Variants in CDH12 observed in about 807,000 individuals in gnomAD.
CDH12 encodes the protein cadherin-12.
Under a neutral mutation model 74.1 loss-of-function variants are expected in CDH12, and 41 were observed. The observed-to-expected ratio is 0.55, with a 90% CI of 0.43 to 0.72. The LOEUF is 0.72. Among genes scored for constraint, CDH12 ranks in the 30% least tolerant of loss-of-function variants. The pLI, the probability that CDH12 is intolerant of heterozygous loss-of-function variation, is 0.00. For synonymous variants in CDH12, 399 were observed against 355.0 expected (o/e 1.12, Z -1.39); for missense variants, 945 against 977.2 (o/e 0.97, Z 0.44).
intron 2 of CDH12, among the ~76,000 whole-genome samples, chr5:22,432,558 T>C (rs1253690441): frequency 6.8e-6 from 1 of 147,044 alleles, no homozygotes; most frequent in Non-Finnish European, 1.5e-5. Context: ...TCTGTGTGTG[T>C]GTGCGTGTGT....
chr5:22,237,102 TA>T (rs1752585997), intron 3 of CDH12, among the ~76,000 whole-genome samples: 1 of 152,162 alleles, frequency 6.6e-6, no homozygotes, highest in South Asian at 2.1e-4. Context: ...GCAACACTTT[TA>T]TAGGACTGGC....
chr5:22,068,333 G>A (rs948699721), intron 5 of CDH12, among the ~76,000 whole-genome samples: 4 of 152,164 alleles, frequency 2.6e-5, no homozygotes, highest in African/African-American at 7.2e-5. Context: ...GAGAGAGAAA[G>A]AGAAGCCTTG....
intron 10 of CDH12, among the ~76,000 whole-genome samples, chr5:21,800,205 G>A (rs1304611008): frequency 3.3e-5 from 5 of 152,092 alleles, no homozygotes; most frequent in Non-Finnish European, 7.4e-5. Flanking sequence ...TGTACCTTTT[G>A]TCTCACATTT....
At chr5:22,015,072 G>A (rs1175258081) in intron 5 of CDH12, among the ~76,000 whole-genome samples, 1 of 152,088 alleles carries the variant, frequency 6.6e-6, no homozygotes, top group Non-Finnish European at 1.5e-5. Context: ...AAGATTTAAA[G>A]CAGGAGATGA....
At chr5:22,613,387 T>G (rs1050762113) in intron 1 of CDH12, among the ~76,000 whole-genome samples, 1 of 152,114 alleles carries the variant, frequency 6.6e-6, no homozygotes, top group Non-Finnish European at 1.5e-5. Context: ...TACGTAAATA[T>G]TATTTTTAGA....
intron 1 of CDH12, among the ~76,000 whole-genome samples, chr5:22,686,615 T>A (rs893912088): frequency 6.6e-6 from 1 of 152,210 alleles, no homozygotes; most frequent in Non-Finnish European, 1.5e-5. Context: ...CTCAGCAACA[T>A]TTCTTGAAGA....
At position 22,220,487 on chromosome 5, in the gene CDH12, A is replaced by G. The variant is rs981655226; in HGVS notation, c.-332-7844T>C. Reference sequence around the variant, plus strand: ...AAGCCTGTTTATATATACATTTTTAAAGGAAGATTATTCATCATGAGAAAC... The same window carrying G: ...AAGCCTGTTTATATATACATTTTTAGAGGAAGATTATTCATCATGAGAAAC... On this transcript the variant is annotated intron_variant, in intron 3 of 14. Coordinates refer to ENST00000382254, the MANE Select transcript of CDH12 (RefSeq NM_004061.5). Among the ~76,000 whole-genome samples the G allele has an allele frequency of 4.6e-5, 7 of 151,722 alleles. No homozygotes were observed. In the Admixed American group the frequency reaches 4.6e-4, roughly 10 times the overall value.
At chr5:21,980,893 A>G (rs1176257276) in intron 5 of CDH12, among the ~76,000 whole-genome samples, 1 of 152,162 alleles carries the variant, frequency 6.6e-6, no homozygotes, top group Non-Finnish European at 1.5e-5. Context: ...AATTTATTAC[A>G]TCAGTTTAAA....
chr5:22,496,299 C>T (rs1747104320), intron 2 of CDH12, among the ~76,000 whole-genome samples: 1 of 152,016 alleles, frequency 6.6e-6, no homozygotes, highest in African/African-American at 2.4e-5. Flanking sequence ...GGTGAATTAC[C>T]CATTTAATCC....
intron 6 of CDH12, among the ~76,000 whole-genome samples, chr5:21,947,545 C>G (rs941831502): frequency 6.6e-6 from 1 of 152,184 alleles, no homozygotes; most frequent in African/African-American, 2.4e-5. Context: ...ATCTGTGGAA[C>G]TTTTAATTTG....
At chr5:22,605,387 C>T (rs1190196961) in intron 1 of CDH12, among the ~76,000 whole-genome samples, 2 of 152,146 alleles carry the variant, frequency 1.3e-5, no homozygotes, top group Non-Finnish European at 2.9e-5. Context: ...TTCCATCAGT[C>T]CCTCATGAGA....
At chr5:22,498,190 T>G (rs1580708888) in intron 2 of CDH12, among the ~76,000 whole-genome samples, 1 of 152,162 alleles carries the variant, frequency 6.6e-6, no homozygotes, top group Admixed American at 6.5e-5. Flanking sequence ...CCATTTCCCC[T>G]TCTCTGTACA....
In CDH12 at chr5:22,656,579, A is replaced by T. The variant is rs187489029; in HGVS notation, c.-522-151215T>A. Among the ~76,000 whole-genome samples the T allele has an allele frequency of 9.2e-3, 1,404 of 152,292 alleles. 10 individuals are homozygous for T. The highest frequency in any genetic ancestry group is 0.017 in the Middle Eastern group (5 of 292). On this transcript the variant is annotated intron_variant, in intron 1 of 14. Coordinates refer to ENST00000382254, the MANE Select transcript of CDH12 (RefSeq NM_004061.5). ...TGTAACTTGAACAAATTGATAGTGG[A>T]TATGTAAATTGATTTAAAAAAATTT...
At chr5:22,122,305 AAGG>A (rs1280123486) in intron 4 of CDH12, among the ~76,000 whole-genome samples, 1 of 152,120 alleles carries the variant, frequency 6.6e-6, no homozygotes, top group East Asian at 1.9e-4. Context: ...TGGGAGGCTG[AAGG>A]AGGAGAATTG....
At chr5:22,702,067 T>C (rs1448679008) in intron 1 of CDH12, among the ~76,000 whole-genome samples, 1 of 152,206 alleles carries the variant, frequency 6.6e-6, no homozygotes, top group African/African-American at 2.4e-5. Context: ...TTATTCAGTG[T>C]TACATCATCA....
intron 1 of CDH12, among the ~76,000 whole-genome samples, chr5:22,811,582 T>G (rs1749151090): frequency 6.6e-6 from 1 of 152,182 alleles, no homozygotes; most frequent in Non-Finnish European, 1.5e-5. Flanking sequence ...ATGAAGGATG[T>G]CAGGGATGAC....
chr5:22,257,899 G>A (rs1260345742), intron 3 of CDH12, among the ~76,000 whole-genome samples: 1 of 151,924 alleles, frequency 6.6e-6, no homozygotes, highest in Admixed American at 6.6e-5. Context: ...GGAAGACTAG[G>A]CATAAATGGG....
intron 2 of CDH12, among the ~76,000 whole-genome samples, chr5:22,415,021 T>C (rs1451183734): frequency 6.6e-6 from 1 of 152,086 alleles, no homozygotes; most frequent in African/African-American, 2.4e-5. Flanking sequence ...AGCTCACATA[T>C]AGGGTGGATA....
chr5:22,626,052 G>A (rs911503309), intron 1 of CDH12, among the ~76,000 whole-genome samples: 3 of 151,986 alleles, frequency 2.0e-5, no homozygotes, highest in Non-Finnish European at 4.4e-5. Flanking sequence ...CCACCAGCAT[G>A]CTAACCCCAT....
Sources: gnomAD v4.1 joint callset for allele counts (sites outside exome capture counted in the v4.1 genomes callset) on GRCh38, gnomAD v4.1.1 for gene constraint, MANE v1.5 for transcripts, NCBI Gene and HGNC (gene_info 2026-07-23, HGNC 2026-07-21) for gene names.